The following SLC28A1 variants were observed in gnomAD, a reference collection of about 807,000 sequenced individuals.
SLC28A1 encodes solute carrier family 28 member 1, also known as sodium/nucleoside cotransporter 1.
Under a neutral mutation model 74.8 loss-of-function variants are expected in SLC28A1, and 64 were observed. That is an observed-to-expected ratio of 0.86 (90% confidence interval 0.70 to 1.05). SLC28A1 has a LOEUF of 1.05. Ranked by LOEUF, SLC28A1 falls within the 50% of genes least tolerant of loss-of-function variation. The probability of loss-of-function intolerance (pLI) is 0.00; values close to 1 mark genes in which losing one functional copy is unlikely to be tolerated. For synonymous variants in SLC28A1, 359 were observed against 335.0 expected, an observed-to-expected ratio of 1.07 and a Z score of -0.78; for missense variants, 828 against 822.8, an observed-to-expected ratio of 1.01 and a Z score of -0.08.
intron 15 of SLC28A1, among the ~76,000 whole-genome samples, chr15:84,936,179 G>A (rs1028510568): frequency 2.7e-5 from 4 of 150,810 alleles, no homozygotes; most frequent in Non-Finnish European, 4.4e-5. Context: ...TCCTGACCTC[G>A]TGATCTGCCC....
downstream of SLC28A1, among the ~76,000 whole-genome samples, chr15:84,950,313 T>C (rs564569949): frequency 3.8e-4 from 57 of 150,298 alleles, no homozygotes; most frequent in African/African-American, 1.3e-3. Flanking sequence ...GAAGAACACT[T>C]GACCCGTGTA....
the SLC28A1 span, among the ~76,000 whole-genome samples, chr15:84,955,847 A>T: frequency 6.6e-6 from 1 of 152,148 alleles, no homozygotes; most frequent in African/African-American, 2.4e-5. Context: ...GGTGCGGCTC[A>T]ATTTTCCCTC....
chr15:84,894,889 C>A (rs766939161), intron 5 of SLC28A1, 51 bp from the exon 6 acceptor site: 1 of 1,584,536 alleles, frequency 6.3e-7, no homozygotes, highest in Admixed American at 1.7e-5. Flanking sequence ...CTGCAGGGTT[C>A]TGAAGAGGTG....
chr15:84,958,745 G>A, the SLC28A1 span, among the ~76,000 whole-genome samples: 7 of 152,102 alleles, frequency 4.6e-5, no homozygotes, highest in South Asian at 1.5e-3. Flanking sequence ...TTATAGAGAT[G>A]AGATATCATT....
At chr15:84,895,906 T>A in intron 6 of SLC28A1, 3 of 1,002,680 alleles carry the variant, frequency 3.0e-6, no homozygotes, top group Non-Finnish European at 3.6e-6. Flanking sequence ...CCTCTCACTT[T>A]CCCAAAGTGA....
At chr15:84,930,864 G>C (rs934039897) in intron 12 of SLC28A1, among the ~76,000 whole-genome samples, 3 of 151,866 alleles carry the variant, frequency 2.0e-5, no homozygotes, top group Non-Finnish European at 4.4e-5. Context: ...CCGCCTCCTG[G>C]GTTTAAGTGA....
At position 84,919,000 on chromosome 15, in the gene SLC28A1, C is replaced by T. The variant is rs7169930; in HGVS notation, c.876+396C>T. On this transcript the variant is annotated intron_variant, in intron 10 of 18. Transcript: ENST00000394573. ...CCTGCTTCCAGGATCTTCACCCTCA[C>T]AGAATCTAGTGCTGACCAAATGTCC... Among the ~76,000 whole-genome samples the T allele has an allele frequency of 3.9e-3, 598 of 152,170 alleles. 2 individuals carry two copies. The highest frequency in any genetic ancestry group is 0.014 in the African/African-American group (566 of 41,516).
the SLC28A1 span, among the ~76,000 whole-genome samples, chr15:84,952,957 A>G: frequency 2.0e-5 from 3 of 152,214 alleles, no homozygotes; most frequent in Non-Finnish European, 2.9e-5. Flanking sequence ...ATCCCTTGAA[A>G]CTTCCTTCCT....
the SLC28A1 span, among the ~76,000 whole-genome samples, chr15:84,960,496 G>A: frequency 3.2e-3 from 480 of 152,002 alleles, 3 homozygotes; most frequent in African/African-American, 0.011. Context: ...GTACTCAAGC[G>A]ATCCACCTGA....
chr15:84,957,544 G>A, the SLC28A1 span, among the ~76,000 whole-genome samples: 1 of 152,210 alleles, frequency 6.6e-6, no homozygotes, highest in Non-Finnish European at 1.5e-5. Flanking sequence ...TGGGATTACA[G>A]GCATGAGCCA....
At chr15:84,949,057 C>T (rs4247411), downstream of SLC28A1, among the ~76,000 whole-genome samples, 63,571 of 152,022 alleles carry the variant, frequency 0.42, 14,695 homozygotes, top group Middle Eastern at 0.57. Flanking sequence ...ATGGTTTAAT[C>T]CCTTTTCCAC....
At chr15:84,945,950 C>T (rs2079187896), downstream of SLC28A1, among the ~76,000 whole-genome samples, 1 of 150,192 alleles carries the variant, frequency 6.7e-6, no homozygotes, top group South Asian at 2.1e-4. Flanking sequence ...GCGTCAACCT[C>T]TCAGGCTCAA....
At chr15:84,947,444 G>A (rs1434908131), downstream of SLC28A1, among the ~76,000 whole-genome samples, 1 of 152,228 alleles carries the variant, frequency 6.6e-6, no homozygotes. Flanking sequence ...TCATTCTGTG[G>A]CCAGTGGCCT....
intron 9 of SLC28A1, 97 bp from the exon 10 acceptor site, chr15:84,918,427 G>C: frequency 1.2e-6 from 1 of 864,078 alleles, no homozygotes; most frequent in Admixed American, 1.7e-5. Context: ...GGCAAGGCCT[G>C]GGATGGAGTG....
At chr15:84,913,340 C>T (rs1469669247) in intron 9 of SLC28A1, among the ~76,000 whole-genome samples, 1 of 152,010 alleles carries the variant, frequency 6.6e-6, no homozygotes, top group Non-Finnish European at 1.5e-5. Context: ...AGAAAGTCAG[C>T]AGGAGCCCTG....
Position 84,895,136 on chromosome 15 carries a change from A to G in SLC28A1, c.461+13A>G. On this transcript the variant is annotated intron_variant, in intron 6 of 18. Transcript: ENST00000394573. ...TCTGGTTTAAGAGGTGAGTGAGCTC[A>G]CAGCCCCGAGGCAGGGCAGGGGAGG... is the stretch of plus-strand genomic sequence containing the variant. 6.2e-7 allele frequency: 1 copy of G among 1,613,564 alleles called. No individual in the cohort carries two copies. The highest frequency in any genetic ancestry group is 1.3e-5 in the African/African-American group (1 of 75,040).
chr15:84,904,770 GATGTGTACTAAA>G (rs1277791099), intron 7 of SLC28A1, among the ~76,000 whole-genome samples: 2 of 2,768 alleles, frequency 7.2e-4, no homozygotes, highest in African/African-American at 3.7e-3. Context: ...GCACAATTCT[GATGTGTACTAAA>G]TTCTGATGTG....
chr15:84,947,518 T>C (rs1246855188), downstream of SLC28A1, among the ~76,000 whole-genome samples: 2 of 152,180 alleles, frequency 1.3e-5, no homozygotes, highest in African/African-American at 4.8e-5. Context: ...TCTTAGTCAG[T>C]TTTGGCTGAT....
At chr15:84,926,117 A>C (rs1161973147) in intron 12 of SLC28A1, among the ~76,000 whole-genome samples, 3 of 148,324 alleles carry the variant, frequency 2.0e-5, no homozygotes, top group Non-Finnish European at 4.5e-5. Context: ...TTTTTTATTT[A>C]TATAATAAAA....
Sources: gnomAD v4.1 joint callset for allele counts (sites outside exome capture counted in the v4.1 genomes callset) on GRCh38, gnomAD v4.1.1 for gene constraint, MANE v1.5 for transcripts, NCBI Gene and HGNC (gene_info 2026-07-23, HGNC 2026-07-21) for gene names.